The following NUP98 variants were observed in gnomAD, a reference collection of about 807,000 sequenced individuals.
NUP98 encodes nucleoporin 98 and 96 precursor.
NUP98 carries 26 observed loss-of-function variants against 191.9 expected under a neutral mutation model. That is an observed-to-expected ratio of 0.14 (90% confidence interval 0.10 to 0.19). The LOEUF (loss-of-function observed/expected upper bound fraction) is 0.19. Among genes scored for constraint, NUP98 ranks in the 10% least tolerant of loss-of-function variants. The pLI, the probability that NUP98 is intolerant of heterozygous loss-of-function variation, is 1.00. For missense variants in NUP98, 1,941 were observed against 2,178.8 expected, an observed-to-expected ratio of 0.89 and a Z score of 2.17; for synonymous variants, 808 against 778.4, an observed-to-expected ratio of 1.04 and a Z score of -0.63.
intron 30 of NUP98, 60 bp from the exon 31 acceptor site, chr11:3,679,768 G>C: frequency 6.6e-7 from 1 of 1,521,882 alleles, no homozygotes; most frequent in African/African-American, 1.4e-5. Flanking sequence ...CAAAAGTACA[G>C]AAGACATGGC....
intron 20 of NUP98, among the ~76,000 whole-genome samples, chr11:3,711,335 C>T (rs895836719): frequency 6.6e-6 from 1 of 152,136 alleles, no homozygotes; most frequent in Non-Finnish European, 1.5e-5. Context: ...TTTCAAAGAG[C>T]TCTCACAAAC....
intron 12 of NUP98, among the ~76,000 whole-genome samples, chr11:3,742,819 A>T (rs912812229): frequency 2.0e-5 from 3 of 152,144 alleles, no homozygotes; most frequent in Non-Finnish European, 2.9e-5. Context: ...TGTTGACAGA[A>T]TAAGAAAAAT....
intron 16 of NUP98, 148 bp downstream of exon 16, chr11:3,723,009 G>GT: frequency 2.9e-6 from 2 of 687,568 alleles, no homozygotes; most frequent in Non-Finnish European, 4.9e-6. Context: ...GCATAAAACT[G>GT]TTTAAATATT....
intron 20 of NUP98, among the ~76,000 whole-genome samples, chr11:3,709,999 A>C (rs1035574736): frequency 1.1e-4 from 10 of 90,052 alleles, no homozygotes; most frequent in African/African-American, 3.0e-4. Flanking sequence ...AAAAGTTTAC[A>C]AAAAAAAAAA....
chr11:3,755,357 G>T (rs1408392273), intron 10 of NUP98, among the ~76,000 whole-genome samples: 3 of 151,766 alleles, frequency 2.0e-5, no homozygotes, highest in Non-Finnish European at 4.4e-5. Flanking sequence ...CCAGCAATTT[G>T]GGAGGCTGAC....
rs141031626 is a variant in NUP98, at chr11:3,702,544, T to C, written c.3431A>G (p.Asn1144Ser). 1.3e-4 allele frequency: 203 copies of C among 1,614,100 alleles called. 1 individual carries two copies. In the East Asian group the frequency reaches 4.5e-3, roughly 35 times the overall value. ...WTLANSGEQL[N>S]GSHELENHQI... ...ATGATTTTCTAGTTCATGAGAGCCA[T>C]TCAGCTGTTCTCCACTATTAGCAAG... Residue 1144 changes from asparagine to serine, a missense_variant, in exon 23 of 33, where the codon AAT becomes AGT. Coordinates refer to ENST00000324932, the MANE Select transcript of NUP98 (RefSeq NM_016320.5).
intron 1 of NUP98, among the ~76,000 whole-genome samples, chr11:3,788,112 T>TAC (rs2082205138): frequency 6.6e-6 from 1 of 152,240 alleles, no homozygotes; most frequent in African/African-American, 2.4e-5. Flanking sequence ...CTGAGTGTTT[T>TAC]ACCTGTCTGC....
At chr11:3,765,953 A>G (rs1045016124) in intron 8 of NUP98, among the ~76,000 whole-genome samples, 12 of 152,164 alleles carry the variant, frequency 7.9e-5, no homozygotes, top group African/African-American at 2.7e-4. Context: ...TTGTTTTGGT[A>G]TCCTTGTTGA....
At chr11:3,757,935 A>C (rs2081032613) in intron 10 of NUP98, among the ~76,000 whole-genome samples, 2 of 152,318 alleles carry the variant, frequency 1.3e-5, no homozygotes, top group Non-Finnish European at 2.9e-5. Context: ...AGATTATGAT[A>C]GTTTGTGGCC....
rs778301389 is a variant in NUP98, at chr11:3,676,541, C to T, written c.5153G>A (p.Cys1718Tyr). The T allele has an allele frequency of 3.3e-5, 54 of 1,614,066 alleles. No homozygotes were observed. Among genetic ancestry groups the T allele is most frequent in the Non-Finnish European group, 4.4e-5 (52 of 1,180,026 alleles). The change falls in exon 32 of 33, where the codon TGT becomes TAT. Residue 1718 changes from cysteine (C) to tyrosine (Y), a missense_variant. Coordinates refer to ENST00000324932, the MANE Select transcript of NUP98 (RefSeq NM_016320.5). ...SLCSRIEQIQ[C>Y]YSAKDRLAQS... ...AGCCAGGCGATCTTTAGCACTGTAA[C>T]ACTGAATCTGCTCTATCCGACTGCA...
chr11:3,780,371 AT>A (rs376025093), intron 2 of NUP98, among the ~76,000 whole-genome samples: 8 of 146,180 alleles, frequency 5.5e-5, no homozygotes, highest in South Asian at 2.2e-4. Flanking sequence ...TCCACTTAAA[AT>A]AAAAAAAAAA....
chr11:3,750,404 C>G (rs75999737), intron 11 of NUP98, among the ~76,000 whole-genome samples: 10,574 of 152,138 alleles, frequency 0.07, 382 homozygotes, highest in Middle Eastern at 0.1. Flanking sequence ...CTCTAAATAG[C>G]GTTTTTCAAA....
chr11:3,721,495 C>T (rs1255505041), intron 16 of NUP98, among the ~76,000 whole-genome samples: 1 of 152,056 alleles, frequency 6.6e-6, no homozygotes. Flanking sequence ...GCCAGGAGTC[C>T]AAGACAAGCC....
At chr11:3,725,433 A>T (rs962710222) in intron 14 of NUP98, among the ~76,000 whole-genome samples, 2 of 152,240 alleles carry the variant, frequency 1.3e-5, no homozygotes, top group Non-Finnish European at 2.9e-5. Flanking sequence ...TGTTTGGAAG[A>T]ATAAAGCTGA....
intron 28 of NUP98, among the ~76,000 whole-genome samples, chr11:3,687,148 G>C (rs2078156735): frequency 6.6e-6 from 1 of 152,026 alleles, no homozygotes; most frequent in South Asian, 2.1e-4. Flanking sequence ...TGCCCAGGTT[G>C]GTCTTGAGCT....
At chr11:3,762,861 T>G (rs200143398) in intron 9 of NUP98, 41 bp downstream of exon 9, 261 of 1,602,212 alleles carry the variant, frequency 1.6e-4, no homozygotes, top group Non-Finnish European at 2.1e-4. Context: ...TTTAACAAAT[T>G]TACACACATC....
At chr11:3,731,362 T>A (rs781214028) in intron 14 of NUP98, 29 bp downstream of exon 14, 1 of 1,458,932 alleles carries the variant, frequency 6.9e-7, no homozygotes, top group African/African-American at 1.4e-5. Flanking sequence ...TATTTTACAC[T>A]TAATTTCTGT....
At chr11:3,753,519 A>C in intron 10 of NUP98, 111 bp from the exon 11 acceptor site, 1 of 750,540 alleles carries the variant, frequency 1.3e-6, no homozygotes, top group Non-Finnish European at 2.2e-6. Flanking sequence ...CCTTTCAGTT[A>C]ATATTTAGGA....
chr11:3,729,398 C>T (rs276905), intron 14 of NUP98, among the ~76,000 whole-genome samples: 78,285 of 151,202 alleles, frequency 0.52, 20,686 homozygotes, highest in African/African-American at 0.61. Context: ...AGATCAACTG[C>T]GTAAAATGCT....
Sources: allele counts gnomAD v4.1 joint callset (sites outside exome capture counted in the v4.1 genomes callset), GRCh38; gene constraint gnomAD v4.1.1; transcripts MANE v1.5; gene names NCBI Gene and HGNC (gene_info 2026-07-23, HGNC 2026-07-21).